The following DCC variants were observed in gnomAD, a reference collection of about 807,000 sequenced individuals.
The protein encoded by DCC is DCC netrin 1 receptor, also known as netrin receptor DCC.
A neutral mutation model predicts 172.5 loss-of-function variants in DCC; 58 were observed. The observed-to-expected ratio is 0.34, with a 90% confidence interval of 0.27 to 0.42. The LOEUF (loss-of-function observed/expected upper bound fraction) is 0.42, where lower values mean the gene tolerates loss of function less well. Among genes scored for constraint, DCC ranks in the 10% least tolerant of loss-of-function variants. DCC has a pLI of 1.00. For missense variants in DCC, 1,740 were observed against 1,791.0 expected (o/e 0.97, Z 0.51); for synonymous variants, 709 against 644.5 (o/e 1.10, Z -1.52).
chr18:52,695,177 T>A (rs1301972801), intron 1 of DCC, among the ~76,000 whole-genome samples: 2 of 152,216 alleles, frequency 1.3e-5, no homozygotes, highest in Non-Finnish European at 2.9e-5. Flanking sequence ...TGACAAAAAT[T>A]AACTGTGGCA....
At chr18:53,160,091 T>C (rs2054811647) in intron 8 of DCC, among the ~76,000 whole-genome samples, 1 of 152,182 alleles carries the variant, frequency 6.6e-6, no homozygotes, top group Non-Finnish European at 1.5e-5. Context: ...ACCATTTATT[T>C]TCATAATTGT....
chr18:52,370,520 A>G (rs1985069860), intron 1 of DCC, among the ~76,000 whole-genome samples: 1 of 152,148 alleles, frequency 6.6e-6, no homozygotes, highest in South Asian at 2.1e-4. Context: ...TGATGAGAAC[A>G]CATGGACACA....
intron 1 of DCC, among the ~76,000 whole-genome samples, chr18:52,579,824 A>G (rs1284496334): frequency 6.6e-6 from 1 of 152,228 alleles, no homozygotes; most frequent in Non-Finnish European, 1.5e-5. Flanking sequence ...AAAAGGCAAA[A>G]GCAGGAAGTT....
rs1210924525 is a variant in DCC, at chr18:53,428,992, AT to A, written c.3164-6146del. On this transcript the variant is annotated intron_variant, in intron 21 of 28. Transcript: ENST00000442544. ...TATATAACATATATATATTTTATAT[AT>A]TTTTTATATAATATATATTTTATAT... Among the ~76,000 whole-genome samples, 8 of 56,534 alleles carry A rather than the reference AT, an allele frequency of 1.4e-4. 1 individual carries two copies. The highest frequency in any genetic ancestry group is 7.2e-4 in the East Asian group (2 of 2,782). The allele number at this position is 56,534 out of a possible 152,430, so 37.1% of individuals were successfully genotyped here. A position where few individuals can be genotyped will look rare whatever the true frequency, so the allele number is the denominator to read the frequency against.
At chr18:52,711,535 T>A (rs1271853321) in intron 1 of DCC, among the ~76,000 whole-genome samples, 1 of 152,236 alleles carries the variant, frequency 6.6e-6, no homozygotes, top group African/African-American at 2.4e-5. Context: ...GTCTGACCTC[T>A]AGTTTTTGAA....
intron 11 of DCC, 27 bp from the exon 12 acceptor site, chr18:53,215,521 T>C (rs759961631): frequency 6.2e-7 from 1 of 1,605,302 alleles, no homozygotes; most frequent in South Asian, 1.1e-5. Flanking sequence ...TGGCAGTAAC[T>C]GTGACAATTT....
At chr18:52,966,042 C>T (rs2040924578) in intron 5 of DCC, among the ~76,000 whole-genome samples, 1 of 152,166 alleles carries the variant, frequency 6.6e-6, no homozygotes, top group Admixed American at 6.6e-5. Flanking sequence ...GTGCTTCTCT[C>T]CATTGCTAAG....
Position 52,729,033 on chromosome 18 carries a change from T to A in DCC, c.92-23021T>A, listed in dbSNP as rs140303997. 3.8e-3 allele frequency among the ~76,000 whole-genome samples: 575 copies of A among 152,312 alleles called. 7 individuals carry two copies. The highest frequency in any genetic ancestry group is 0.013 in the African/African-American group (546 of 41,580). The stretch of plus-strand genomic sequence containing the variant: ...ATTCAGGAAAATCGGATTTTAACAA[T>A]TGAATTTGTTTTGGTTCTTTTTTAA... On this transcript the variant is annotated intron_variant, in intron 1 of 28. Transcript: ENST00000442544.
At chr18:53,217,259 TTA>T (rs1491317471) in intron 12 of DCC, among the ~76,000 whole-genome samples, 1 of 110,232 alleles carries the variant, frequency 9.1e-6, no homozygotes, top group African/African-American at 3.8e-5. Context: ...ACTATATATA[TTA>T]TACACACACA....
chr18:52,628,637 A>G (rs980471802), intron 1 of DCC, among the ~76,000 whole-genome samples: 9 of 152,270 alleles, frequency 5.9e-5, no homozygotes, highest in Non-Finnish European at 1.2e-4. Flanking sequence ...CCTACCTCCA[A>G]TTCATAAATG....
intron 12 of DCC, 73 bp from the exon 13 acceptor site, chr18:53,305,504 TG>T: frequency 8.0e-7 from 1 of 1,246,024 alleles, no homozygotes; most frequent in Non-Finnish European, 1.2e-6. Flanking sequence ...CACTTACGTT[TG>T]GGTTACTTCT....
At chr18:52,577,087 A>G (rs2033432597) in intron 1 of DCC, among the ~76,000 whole-genome samples, 1 of 152,226 alleles carries the variant, frequency 6.6e-6, no homozygotes, top group African/African-American at 2.4e-5. Flanking sequence ...GCATGAATCA[A>G]GATGCACTTA....
chr18:52,766,001 G>T (rs185513874), intron 2 of DCC, among the ~76,000 whole-genome samples: 11 of 152,150 alleles, frequency 7.2e-5, no homozygotes, highest in African/African-American at 2.7e-4. Context: ...CACTGGACTC[G>T]CAACAGGGGT....
chr18:52,614,328 T>C (rs1401345902), intron 1 of DCC, among the ~76,000 whole-genome samples: 1 of 152,202 alleles, frequency 6.6e-6, no homozygotes, highest in Non-Finnish European at 1.5e-5. Flanking sequence ...GGCTACTTCT[T>C]CCAAAAGAAT....
intron 5 of DCC, among the ~76,000 whole-genome samples, chr18:53,022,312 G>GT (rs1599036621): frequency 6.6e-6 from 1 of 151,942 alleles, no homozygotes; most frequent in East Asian, 1.9e-4. Flanking sequence ...CATCTGCCAT[G>GT]TATTATCTCT....
chr18:52,419,004 G>A (rs958343360), intron 1 of DCC, among the ~76,000 whole-genome samples: 8 of 151,718 alleles, frequency 5.3e-5, no homozygotes, highest in Admixed American at 4.6e-4. Context: ...GGGATTACAG[G>A]TGCACGCCAC....
At chr18:52,819,480 C>A (rs183998995) in intron 2 of DCC, among the ~76,000 whole-genome samples, 88 of 152,186 alleles carry the variant, frequency 5.8e-4, no homozygotes, top group African/African-American at 2.1e-3. Context: ...ATTTTTATTT[C>A]ATGATGTCTG....
chr18:52,733,232 G>A (rs1186449236), intron 1 of DCC, among the ~76,000 whole-genome samples: 2 of 152,118 alleles, frequency 1.3e-5, no homozygotes, highest in African/African-American at 4.8e-5. Context: ...TATTCTTCAT[G>A]GTCAAGACCA....
chr18:53,517,687 G>A (rs2046353302), intron 27 of DCC, among the ~76,000 whole-genome samples: 2 of 152,110 alleles, frequency 1.3e-5, no homozygotes, highest in South Asian at 2.1e-4. Flanking sequence ...CACCTCATCA[G>A]CACGTCCCCA....
Sources: gnomAD v4.1 joint callset for allele counts (sites outside exome capture counted in the v4.1 genomes callset) on GRCh38, gnomAD v4.1.1 for gene constraint, MANE v1.5 for transcripts, NCBI Gene and HGNC (gene_info 2026-07-23, HGNC 2026-07-21) for gene names.